COG5: variants seen among roughly 807,000 people sequenced by gnomAD.
COG5 encodes the protein component of oligomeric golgi complex 5.
In COG5, 86 loss-of-function variants were observed where a neutral mutation model predicts 110.4. The observed-to-expected ratio is 0.78, with a 90% CI of 0.65 to 0.93. The LOEUF (loss-of-function observed/expected upper bound fraction) is 0.93, where lower values mean the gene tolerates loss of function less well. Among genes scored for constraint, COG5 ranks in the 40% least tolerant of loss-of-function variants. The probability of loss-of-function intolerance (pLI) is 0.00; values close to 1 mark genes in which losing one functional copy is unlikely to be tolerated. For synonymous variants in COG5, 360 were observed against 334.6 expected, an observed-to-expected ratio of 1.08 and a Z score of -0.83; for missense variants, 1,077 against 987.0, an observed-to-expected ratio of 1.09 and a Z score of -1.22.
intron 19 of COG5, among the ~76,000 whole-genome samples, chr7:107,225,907 G>A (rs1800300034): frequency 1.3e-5 from 2 of 152,168 alleles, no homozygotes; most frequent in African/African-American, 4.8e-5. Flanking sequence ...GCCGGGCATG[G>A]TGGCAGGGGC....
chr7:107,416,708 C>T (rs542395284), intron 6 of COG5, among the ~76,000 whole-genome samples: 3 of 152,106 alleles, frequency 2.0e-5, no homozygotes, highest in East Asian at 1.9e-4. Flanking sequence ...TCAAAAAAGA[C>T]GGACCATGTC....
chr7:107,383,701 C>T (rs1195655551), intron 7 of COG5, among the ~76,000 whole-genome samples: 1 of 152,130 alleles, frequency 6.6e-6, no homozygotes, highest in Admixed American at 6.5e-5. Flanking sequence ...CTGCCTGTTC[C>T]TCTCTTTCTA....
chr7:107,342,386 AC>A (rs1187074921), intron 10 of COG5, among the ~76,000 whole-genome samples: 11 of 150,106 alleles, frequency 7.3e-5, no homozygotes, highest in African/African-American at 1.7e-4. Context: ...AAAAAAAAAA[AC>A]ACACCACAGG....
At chr7:107,513,743 T>C (rs939140531) in intron 6 of COG5, among the ~76,000 whole-genome samples, 1 of 152,208 alleles carries the variant, frequency 6.6e-6, no homozygotes, top group Non-Finnish European at 1.5e-5. Context: ...TTCATGTCCT[T>C]TGTAGGGACA....
chr7:107,417,493 T>G (rs1792943764), intron 6 of COG5, among the ~76,000 whole-genome samples: 1 of 152,160 alleles, frequency 6.6e-6, no homozygotes, highest in Non-Finnish European at 1.5e-5. Context: ...GGAATATTTG[T>G]TATCATAAAT....
At chr7:107,472,344 A>G (rs1441459729) in intron 6 of COG5, 2 of 152,004 alleles carry the variant, frequency 1.3e-5, no homozygotes, top group Non-Finnish European at 1.5e-5. Context: ...ATCATGTATC[A>G]ATTTGCCAAA....
chr7:107,225,406 T>TA (rs747419874), intron 19 of COG5, among the ~76,000 whole-genome samples: 26 of 152,150 alleles, frequency 1.7e-4, no homozygotes, highest in African/African-American at 3.6e-4. Flanking sequence ...GCAGAAAATT[T>TA]AAAAAAAATA....
intron 6 of COG5, among the ~76,000 whole-genome samples, chr7:107,520,336 G>C (rs527623150): frequency 6.6e-6 from 1 of 152,280 alleles, no homozygotes; most frequent in Non-Finnish European, 1.5e-5. Context: ...TATTCAAATA[G>C]GAAGAGAGGA....
At chr7:107,345,729 C>T (rs149381140) in intron 10 of COG5, among the ~76,000 whole-genome samples, 1 of 152,044 alleles carries the variant, frequency 6.6e-6, no homozygotes, top group Non-Finnish European at 1.5e-5. Context: ...TAATGTAATT[C>T]TTAAACTAAT....
intron 10 of COG5, among the ~76,000 whole-genome samples, chr7:107,336,218 T>TA (rs1810686556): frequency 1.3e-5 from 2 of 152,202 alleles, no homozygotes; most frequent in Admixed American, 6.5e-5. Flanking sequence ...TATTCAGTTA[T>TA]AAAAAAGAGT....
At chr7:107,520,076 G>C (rs140013831) in intron 6 of COG5, among the ~76,000 whole-genome samples, 1 of 151,982 alleles carries the variant, frequency 6.6e-6, no homozygotes, top group Non-Finnish European at 1.5e-5. Context: ...ACAGAAAAGG[G>C]CTCTGATAAA....
At chr7:107,399,139 T>A (rs1454731990) in intron 7 of COG5, among the ~76,000 whole-genome samples, 1 of 151,930 alleles carries the variant, frequency 6.6e-6, no homozygotes, top group East Asian at 1.9e-4. Context: ...GAGATGGAGG[T>A]TGCAGTGAGT....
chr7:107,248,509 AAAAAG>A lies in COG5; in HGVS notation c.1750-15_1750-11del. On this transcript the variant is annotated splice_polypyrimidine_tract_variant and intron_variant, in intron 16 of 21. Coordinates refer to ENST00000297135, the MANE Select transcript of COG5 (RefSeq NM_006348.5). ...TAAGAGCATGAATAGCCTAAAAAAA[AAAAAG>A]AAAGAAAAAAAAGAAGAGGCAAGAT... 1 of 1,564,140 alleles carries A rather than the reference AAAAAG, an allele frequency of 6.4e-7. No homozygotes were observed. Among genetic ancestry groups the A allele is most frequent in the South Asian group, 1.1e-5 (1 of 88,514 alleles).
intron 7 of COG5, among the ~76,000 whole-genome samples, chr7:107,375,604 T>C (rs1814571743): frequency 6.6e-6 from 1 of 152,078 alleles, no homozygotes; most frequent in African/African-American, 2.4e-5. Flanking sequence ...AAAAACTGAA[T>C]ACTTCTTACA....
chr7:107,209,977 T>G (rs901102479), intron 21 of COG5: 17 of 990,306 alleles, frequency 1.7e-5, no homozygotes, highest in African/African-American at 3.5e-5. Flanking sequence ...CACCCCACCC[T>G]GGGCATGGTT....
At chr7:107,205,148 T>C (rs949441949) in intron 21 of COG5, among the ~76,000 whole-genome samples, 4 of 152,192 alleles carry the variant, frequency 2.6e-5, no homozygotes, top group Non-Finnish European at 2.9e-5. Context: ...TTCCATATTA[T>C]AGCAAGAGAT....
At chr7:107,262,048 G>T (rs1246010620) in intron 14 of COG5, among the ~76,000 whole-genome samples, 1 of 151,818 alleles carries the variant, frequency 6.6e-6, no homozygotes, top group Non-Finnish European at 1.5e-5. Context: ...GCGTCACCAT[G>T]CGTGGCTAAT....
At chr7:107,483,635 C>A (rs1430304914) in intron 6 of COG5, among the ~76,000 whole-genome samples, 1 of 150,360 alleles carries the variant, frequency 6.7e-6, no homozygotes, top group Non-Finnish European at 1.5e-5. Flanking sequence ...ACCTGGGAGG[C>A]AAAGGTTGTG....
chr7:107,398,478 A>G (rs114977485), intron 7 of COG5, among the ~76,000 whole-genome samples: 49 of 152,288 alleles, frequency 3.2e-4, no homozygotes, highest in African/African-American at 1.2e-3. Context: ...CCTATTGCTA[A>G]CTGCACACGC....
Sources: allele counts gnomAD v4.1 joint callset (sites outside exome capture counted in the v4.1 genomes callset), GRCh38; gene constraint gnomAD v4.1.1; transcripts MANE v1.5; gene names NCBI Gene and HGNC (gene_info 2026-07-23, HGNC 2026-07-21).